SRARP: variants seen among roughly 807,000 people sequenced by gnomAD.
SRARP encodes steroid receptor associated and regulated protein, also known as steroid receptor-associated and regulated protein.
A neutral mutation model predicts 3.6 loss-of-function variants in SRARP; 5 were observed. The observed-to-expected ratio is 1.39, with a 90% confidence interval of 0.73 to 2.93. SRARP has a LOEUF of 2.93. Ranked by LOEUF, SRARP falls within the 30% of genes most tolerant of loss-of-function variation. The probability of loss-of-function intolerance (pLI) is 0.00; values close to 1 mark genes in which losing one functional copy is unlikely to be tolerated. For synonymous variants in SRARP, 96 were observed against 91.6 expected, an observed-to-expected ratio of 1.05 and a Z score of -0.27; for missense variants, 215 against 216.7, an observed-to-expected ratio of 0.99 and a Z score of 0.05.
rs998773715 is a variant in SRARP, at chr1:16,006,419, G to C, written c.*73G>C. The C allele has an allele frequency of 2.0e-5, 29 of 1,433,564 alleles. No individual in the cohort carries two copies. The African/African-American group carries it at 3.9e-4, about 19-fold the overall frequency. The allele number at this position is 1,433,564 out of a possible 1,614,324, so 88.8% of individuals were successfully genotyped here. On this transcript the variant is annotated 3_prime_UTR_variant, in exon 2 of 2. Transcript: ENST00000329454. ...TGGCCCTGCTTCCCCAGCTAAGCAGGAGTCTTTTGTGCTTGAGCCAAGGAA... is the reference window on the plus strand; with the variant it reads ...TGGCCCTGCTTCCCCAGCTAAGCAGCAGTCTTTTGTGCTTGAGCCAAGGAA...
chr1:16,004,428 C>G (rs771646274), intron 1 of SRARP, 43 bp downstream of exon 1: 1 of 1,509,950 alleles, frequency 6.6e-7, no homozygotes, highest in Non-Finnish European at 9.1e-7. Context: ...GAAACACCAG[C>G]TGGGGGCCAG....
chr1:16,007,240 A>AG lies in SRARP; in HGVS notation c.*897dup, dbSNP rs1189492794. On this transcript the variant is annotated 3_prime_UTR_variant, in exon 2 of 2. Coordinates refer to ENST00000329454, the MANE Select transcript of SRARP (RefSeq NM_178840.4). ...GCATACCAGGCTCATGCTGCCCTCT[A>AG]GGGATAGCAAAAAAAAAAAAAAAAG... 1 of 136,364 alleles carries AG rather than the reference A, an allele frequency of 7.3e-6. No individual in the cohort carries two copies. Among genetic ancestry groups the AG allele is most frequent in the Non-Finnish European group, 1.6e-5 (1 of 64,002 alleles). The allele number at this position is 136,364 out of a possible 1,614,324, so 8.4% of individuals were successfully genotyped here. A position where few individuals can be genotyped will look rare whatever the true frequency, so the allele number is the denominator to read the frequency against.
rs1194786394 is a variant in SRARP, at chr1:16,005,884, C to A, written c.83-35C>A. ...CTCAGGGGAAAAGAAAAGTCCCCTG[C>A]TTGTGCTAACTTTTGGTCTTTTCCT... On this transcript the variant is annotated intron_variant, in intron 1 of 1. Coordinates refer to ENST00000329454, the MANE Select transcript of SRARP (RefSeq NM_178840.4). The A allele has an allele frequency of 2.7e-6, 4 of 1,503,580 alleles. No individual in the cohort carries two copies. In the Admixed American group the frequency reaches 8.8e-5, roughly 33 times the overall value. The allele number at this position is 1,503,580 out of a possible 1,614,324, so 93.1% of individuals were successfully genotyped here.
In SRARP at chr1:16,006,054, T is replaced by G. The variant is rs776632134; in HGVS notation, c.218T>G (p.Leu73Arg). ...CAAGCCCCCAGTCCCAATCGAGGGCTTGTCACCCCACCAATGAAGACCTAC... is the reference window on the plus strand; with the variant it reads ...CAAGCCCCCAGTCCCAATCGAGGGCGTGTCACCCCACCAATGAAGACCTAC... ...PPQAPSPNRG[L>R]VTPPMKTYIV... Residue 73 changes from leucine (L) to arginine (R), a missense_variant, in exon 2 of 2, where the codon CTT becomes CGT. By Grantham distance (102) the Leu-to-Arg change is moderately radical. Coordinates refer to ENST00000329454, the MANE Select transcript of SRARP (RefSeq NM_178840.4). The G allele has an allele frequency of 1.9e-5, 31 of 1,614,040 alleles. No homozygotes were observed. The highest frequency in any genetic ancestry group is 2.6e-5 in the Non-Finnish European group (31 of 1,179,982).
rs1433601756 is a variant in SRARP at position 16,006,220 on chromosome 1, C to T, written c.384C>T (p.Cys128=). ...CTTCCTTCCCAGTCAGCCCGCTCTG[C>T]CCCCAGGAGGTTCCCGAGGCTAAGG... ...ASASFPVSPL[C]PQEVPEAKGK... Residue 128 remains cysteine (C), a synonymous_variant, in exon 2 of 2, where the codon TGC becomes TGT. Coordinates refer to ENST00000329454, the MANE Select transcript of SRARP (RefSeq NM_178840.4). The T allele has an allele frequency of 6.2e-7, 1 of 1,613,878 alleles. No individual in the cohort carries two copies. The highest frequency in any genetic ancestry group is 8.5e-7 in the Non-Finnish European group (1 of 1,180,022).
rs2073126961 is a variant in SRARP, at chr1:16,006,159, C to A, written c.323C>A (p.Ala108Asp). 1.2e-6 allele frequency: 2 copies of A among 1,613,662 alleles called. No homozygotes were observed. Among genetic ancestry groups the A allele is most frequent in the Non-Finnish European group, 1.7e-6 (2 of 1,179,990 alleles). ...MGGGCLAQARATLPLCRGSVA... is the reference protein window; with the variant it reads ...MGGGCLAQARDTLPLCRGSVA... ...GGGGGATGCCTTGCCCAGGCCAGGG[C>A]CACCCTGCCGCTCTGCAGAGGGTCT... The change falls in exon 2 of 2, where the codon GCC becomes GAC. Residue 108 changes from alanine to aspartate, a missense_variant. Coordinates refer to ENST00000329454, the MANE Select transcript of SRARP (RefSeq NM_178840.4).
intron 1 of SRARP, among the ~76,000 whole-genome samples, chr1:16,004,938 C>T (rs1326190053): frequency 6.6e-6 from 1 of 152,152 alleles, no homozygotes; most frequent in African/African-American, 2.4e-5. Flanking sequence ...TTGGGTAACT[C>T]AAAAAGTTAC....
intron 1 of SRARP, among the ~76,000 whole-genome samples, chr1:16,005,660 T>A (rs138038383): frequency 6.6e-6 from 1 of 152,064 alleles, no homozygotes; most frequent in Non-Finnish European, 1.5e-5. Flanking sequence ...ATTTCTTGAG[T>A]CCAGGAGTTT....
rs765096065 is a variant in SRARP, at chr1:16,006,016, C to G, written c.180C>G (p.Thr60=). Reference sequence around the variant, plus strand: ...GGAAGCAGCTCTCCCTGGCAGCAACCGCATCACCACCCCAAGCCCCCAGTC... The same window carrying G: ...GGAAGCAGCTCTCCCTGGCAGCAACGGCATCACCACCCCAAGCCCCCAGTC... ...THGKQLSLAA[T]ASPPQAPSPN... Residue 60 remains threonine, a synonymous_variant, in exon 2 of 2, where the codon ACC becomes ACG. Transcript: ENST00000329454. 1.2e-6 allele frequency: 2 copies of G among 1,613,886 alleles called. No homozygotes were observed. Among genetic ancestry groups the G allele is most frequent in the Non-Finnish European group, 1.7e-6 (2 of 1,179,936 alleles).
Position 16,007,920 on chromosome 1 carries a change from G to C in SRARP, c.*1574G>C, listed in dbSNP as rs2148835962. ...AATGGACTCAAAGTTCCATAGACTG[G>C]TACCATTGAGATTAGAACTCAGGCA... On this transcript the variant is annotated 3_prime_UTR_variant, in exon 2 of 2. Coordinates refer to ENST00000329454, the MANE Select transcript of SRARP (RefSeq NM_178840.4). 1 of 152,290 alleles carries C rather than the reference G, an allele frequency of 6.6e-6. No individual in the cohort carries two copies. Among genetic ancestry groups the C allele is most frequent in the African/African-American group, 2.4e-5 (1 of 41,540 alleles). 9.4% of individuals were successfully genotyped at this position (152,290 alleles called of 1,614,324 possible). A position where few individuals can be genotyped will look rare whatever the true frequency, so the allele number is the denominator to read the frequency against.
rs1240947804 is a variant in SRARP, at chr1:16,006,313, C to T, written c.477C>T (p.Ala159=). The T allele has an allele frequency of 6.2e-7, 1 of 1,611,092 alleles. No individual in the cohort carries two copies. The highest frequency in any genetic ancestry group is 1.1e-5 in the South Asian group (1 of 90,848). The change falls in exon 2 of 2, where the codon GCC becomes GCT. Residue 159 remains alanine, a synonymous_variant. Transcript: ENST00000329454. ...GAACAGTCAAGGACTCACTGAAAGC[C>T]CTCTCCTCTTGTGTCTGTGGGCAGG... ...TWGTVKDSLK[A]LSSCVCGQAD
At position 16,004,289 on chromosome 1, in the gene SRARP, C is replaced by T. The variant is rs61730203; in HGVS notation, c.-15C>T. The T allele has an allele frequency of 1.3e-5, 21 of 1,582,948 alleles. No homozygotes were observed. The South Asian group carries it at 1.4e-4, about 10-fold the overall frequency. ...TCCTCTCCTGCCAGAGCTAGGCAGG[C>T]GCCGAAGTAGCCGCATGGCCCCGTC... On this transcript the variant is annotated 5_prime_UTR_variant, in exon 1 of 2. Coordinates refer to ENST00000329454, the MANE Select transcript of SRARP (RefSeq NM_178840.4).
Position 16,006,342 on chromosome 1 carries a change from AT to A in SRARP, c.508del (p.Ter170SerfsTer104), listed in dbSNP as rs900407981. 7.6e-6 allele frequency: 12 copies of A among 1,587,122 alleles called. No homozygotes were observed. The highest frequency in any genetic ancestry group is 9.5e-6 in the Non-Finnish European group (11 of 1,162,174). On this transcript the variant is annotated frameshift_variant, in exon 2 of 2. Transcript: ENST00000329454. LOFTEE classifies it high-confidence loss of function. ...ALSSCVCGQA[D>X] is the part of the protein sequence containing the mutation. ...TCCTCTTGTGTCTGTGGGCAGGCCG[AT>A]TAGCTGGAAGGGCCGGGCTCTGATG...
In SRARP at chr1:16,006,617, G is replaced by A; in HGVS notation, c.*271G>A. The A allele has an allele frequency of 2.6e-6, 1 of 386,680 alleles. No homozygotes were observed. Among genetic ancestry groups the A allele is most frequent in the Non-Finnish European group, 4.6e-6 (1 of 217,890 alleles). 24.0% of individuals were successfully genotyped at this position (386,680 alleles called of 1,614,324 possible). A position where few individuals can be genotyped will look rare whatever the true frequency, so the allele number is the denominator to read the frequency against. ...GAGATACCATGGTTTTCCTGGAGCT[G>A]GTATTTTTGGGGTGGAGGGAACCCA... On this transcript the variant is annotated 3_prime_UTR_variant, in exon 2 of 2. Transcript: ENST00000329454.
chr1:16,004,472 T>C (rs1037878448), intron 1 of SRARP, 87 bp downstream of exon 1: 1 of 1,237,744 alleles, frequency 8.1e-7, no homozygotes, highest in African/African-American at 1.5e-5. Context: ...CCCAGCACTT[T>C]GGGAGGCCGA....
chr1:16,007,233 G>A lies in SRARP; in HGVS notation c.*887G>A, dbSNP rs569306419. The A allele has an allele frequency of 6.8e-6, 1 of 146,484 alleles. No homozygotes were observed. Among genetic ancestry groups the A allele is most frequent in the African/African-American group, 2.6e-5 (1 of 39,180 alleles). 9.1% of individuals were successfully genotyped at this position (146,484 alleles called of 1,614,324 possible). ...ATCTACTGCATACCAGGCTCATGCT[G>A]CCCTCTAGGGATAGCAAAAAAAAAA... On this transcript the variant is annotated 3_prime_UTR_variant, in exon 2 of 2. Transcript: ENST00000329454.
chr1:16,005,927 C>T lies in SRARP; in HGVS notation c.91C>T (p.Leu31=), dbSNP rs751844765. ...TGLETSSGGK[L]AGHQKTVPTA... is the part of the protein sequence containing the mutation. The stretch of plus-strand genomic sequence containing the variant: ...CTTTTCCTCTCTTCTAGGTGGGAAG[C>T]TGGCTGGCCATCAGAAGACCGTCCC... The change falls in exon 2 of 2, where the codon CTG becomes TTG. Residue 31 remains leucine, a synonymous_variant. Transcript: ENST00000329454. The T allele has an allele frequency of 1.3e-6, 2 of 1,569,918 alleles. No homozygotes were observed. Among genetic ancestry groups the T allele is most frequent in the African/African-American group, 1.4e-5 (1 of 73,246 alleles).
In SRARP at chr1:16,006,032, G is replaced by A. The variant is rs780812483; in HGVS notation, c.196G>A (p.Ala66Thr). The change falls in exon 2 of 2, where the codon GCC (alanine) becomes ACC (threonine). Residue 66 changes from alanine (A) to threonine (T), a missense_variant. Transcript: ENST00000329454. ...GGCAGCAACCGCATCACCACCCCAA[G>A]CCCCCAGTCCCAATCGAGGGCTTGT... Reference protein sequence around the residue: ...SLAATASPPQAPSPNRGLVTP... With the variant: ...SLAATASPPQTPSPNRGLVTP... The A allele has an allele frequency of 1.9e-6, 3 of 1,613,932 alleles. No homozygotes were observed. The South Asian group carries it at 3.3e-5, about 18-fold the overall frequency.
rs745767938 is a variant in SRARP, at chr1:16,004,312, G to A, written c.9G>A (p.Pro3=). The A allele has an allele frequency of 1.2e-5, 20 of 1,603,736 alleles. No homozygotes were observed. The highest frequency in any genetic ancestry group is 3.4e-5 in the Admixed American group (2 of 58,254). Residue 3 remains proline, a synonymous_variant, in exon 1 of 2, where the codon CCG becomes CCA. Coordinates refer to ENST00000329454, the MANE Select transcript of SRARP (RefSeq NM_178840.4). MA[P]SEDPRDWRAN... ...GGCGCCGAAGTAGCCGCATGGCCCC[G>A]TCAGAAGACCCCAGGGACTGGAGAG... is the stretch of plus-strand genomic sequence containing the variant.
Sources: gnomAD v4.1 joint callset for allele counts (sites outside exome capture counted in the v4.1 genomes callset) on GRCh38, gnomAD v4.1.1 for gene constraint, MANE v1.5 for transcripts, NCBI Gene and HGNC (gene_info 2026-07-23, HGNC 2026-07-21) for gene names.